GAR1: variants seen among roughly 807,000 people sequenced by gnomAD.
GAR1 encodes GAR1 ribonucleoprotein, also known as H/ACA ribonucleoprotein complex subunit 1.
In GAR1, 11 loss-of-function variants were observed where a neutral mutation model predicts 29.3. That is an observed-to-expected ratio of 0.38 (90% confidence interval 0.24 to 0.62). The LOEUF (loss-of-function observed/expected upper bound fraction) is 0.62, where lower values mean the gene tolerates loss of function less well. GAR1 is among the 20% of genes least tolerant of loss of function. The pLI is 0.62. For synonymous variants in GAR1, 87 were observed against 93.3 expected (o/e 0.93, Z 0.39); for missense variants, 237 against 268.4 (o/e 0.88, Z 0.82).
At chr4:109,822,883 A>G (rs1328426005) in intron 5 of GAR1, among the ~76,000 whole-genome samples, 2 of 152,182 alleles carry the variant, frequency 1.3e-5, no homozygotes, top group Admixed American at 1.3e-4. Context: ...GAGATAGATG[A>G]TATCCTTATT....
chr4:109,822,224 T>TA, intron 4 of GAR1, 123 bp from the exon 5 acceptor site: 1 of 583,916 alleles, frequency 1.7e-6, no homozygotes, highest in South Asian at 2.2e-5. Context: ...CAGGGATATG[T>TA]AGTAGAAAGT....
intron 4 of GAR1, among the ~76,000 whole-genome samples, chr4:109,820,911 C>T (rs1733496558): frequency 6.6e-6 from 1 of 151,374 alleles, no homozygotes; most frequent in Non-Finnish European, 1.5e-5. Context: ...ATCTTGTGAC[C>T]TGAAAAAAAA....
At chr4:109,817,371 A>G (rs1373938962) in intron 2 of GAR1, among the ~76,000 whole-genome samples, 1 of 152,206 alleles carries the variant, frequency 6.6e-6, no homozygotes, top group Non-Finnish European at 1.5e-5. Context: ...CAGTCTAGTT[A>G]GAAATAAAGG....
At chr4:109,816,479 A>AATGTAGC (rs1733356599) in intron 2 of GAR1, 101 bp downstream of exon 2, 4 of 1,115,204 alleles carry the variant, frequency 3.6e-6, no homozygotes, top group African/African-American at 1.5e-5. Context: ...CTGTGTGGAG[A>AATGTAGC]ATGTAGCATG....
Position 109,822,372 on chromosome 4 carries a change from T to G in GAR1, c.455T>G (p.Leu152Arg), listed in dbSNP as rs1160296139. The change falls in exon 5 of 7, where the codon CTG (leucine) becomes CGG (arginine). Residue 152 changes from leucine (L) to arginine (R), a missense_variant. Coordinates refer to ENST00000226796, the MANE Select transcript of GAR1 (RefSeq NM_018983.4). ...QKFYIDPYKLLPLQRFLPRPP... is the reference protein window; with the variant it reads ...QKFYIDPYKLRPLQRFLPRPP... Reference sequence around the variant, plus strand: ...TTTTATATAGACCCATATAAGCTGCTGCCACTGCAGAGGTTTTTACCTCGA... The same window carrying G: ...TTTTATATAGACCCATATAAGCTGCGGCCACTGCAGAGGTTTTTACCTCGA... 1 of 1,600,458 alleles carries G rather than the reference T, an allele frequency of 6.2e-7. No homozygotes were observed. The highest frequency in any genetic ancestry group is 1.3e-5 in the African/African-American group (1 of 74,678).
intron 3 of GAR1, 135 bp from the exon 4 acceptor site, chr4:109,818,866 C>A: frequency 1.8e-6 from 1 of 567,110 alleles, no homozygotes; most frequent in Non-Finnish European, 3.2e-6. Context: ...CGCCCAGCCC[C>A]TGGAAATTCA....
At position 109,819,191 on chromosome 4, in the gene GAR1, A is replaced by G. The variant is rs755255412; in HGVS notation, c.429+131A>G. ...TAAAGCTCTTAAATTGAAATGTTCC[A>G]TGCTATAAATATTGAACACACTAAT... On this transcript the variant is annotated intron_variant, in intron 4 of 6. Transcript: ENST00000226796. 22 of 725,584 alleles carry G rather than the reference A, an allele frequency of 3.0e-5. No homozygotes were observed. The Middle Eastern group carries it at 9.3e-4, about 31-fold the overall frequency. 44.9% of individuals were successfully genotyped at this position (725,584 alleles called of 1,614,324 possible).
chr4:109,822,235 G>GGTAGGA (rs1490876885), intron 4 of GAR1, 112 bp from the exon 5 acceptor site: 1 of 611,050 alleles, frequency 1.6e-6, no homozygotes, highest in African/African-American at 2.0e-5. Context: ...AGTAGAAAGT[G>GGTAGGA]GTAGGATTGG....
At chr4:109,824,144 C>G (rs1280759889) in intron 6 of GAR1, 111 bp downstream of exon 6, 12 of 745,068 alleles carry the variant, frequency 1.6e-5, no homozygotes, top group South Asian at 1.8e-5. Flanking sequence ...ATATAGAACA[C>G]CATGGTGTTC....
intron 2 of GAR1, 68 bp downstream of exon 2, chr4:109,816,446 C>A: frequency 6.8e-7 from 1 of 1,473,378 alleles, no homozygotes; most frequent in Non-Finnish European, 9.4e-7. Context: ...TGTTGTTAGG[C>A]AGCAAGTTTG....
intron 1 of GAR1, 88 bp downstream of exon 1, chr4:109,815,892 G>T (rs1347788998): frequency 6.2e-6 from 3 of 486,566 alleles, no homozygotes; most frequent in Non-Finnish European, 1.1e-5. Context: ...GGGATGCGGT[G>T]CGAAGACCTT....
intron 5 of GAR1, 115 bp downstream of exon 5, chr4:109,822,603 A>G: frequency 9.3e-7 from 1 of 1,071,786 alleles, no homozygotes; most frequent in South Asian, 2.3e-5. Flanking sequence ...TTTTTATTAA[A>G]GCTGCTTTCC....
At chr4:109,822,857 C>T (rs1004228008) in intron 5 of GAR1, among the ~76,000 whole-genome samples, 18 of 152,092 alleles carry the variant, frequency 1.2e-4, no homozygotes, top group African/African-American at 4.1e-4. Flanking sequence ...ATTTTTAATA[C>T]TCAGCGAAAC....
At chr4:109,817,470 G>GAAAA (rs372114372) in intron 2 of GAR1, among the ~76,000 whole-genome samples, 3 of 140,316 alleles carry the variant, frequency 2.1e-5, no homozygotes, top group African/African-American at 7.8e-5. Context: ...TAAGGCAAGA[G>GAAAA]AAAAAAAAAA....
upstream of GAR1, chr4:109,815,694 T>G (rs903062143): frequency 6.0e-6 from 1 of 167,018 alleles, no homozygotes; most frequent in Non-Finnish European, 1.3e-5. Context: ...AAGTTTCTGG[T>G]CTTTAAAAAA....
chr4:109,820,220 A>G (rs762175780), intron 4 of GAR1, among the ~76,000 whole-genome samples: 13 of 152,194 alleles, frequency 8.5e-5, no homozygotes, highest in Admixed American at 1.3e-4. Context: ...TTGACTAGCT[A>G]TTGAAATTGA....
At position 109,816,334 on chromosome 4, in the gene GAR1, G is replaced by T. The variant is rs1398171305; in HGVS notation, c.170G>T (p.Gly57Val). The change falls in exon 2 of 7, where the codon GGC (glycine) becomes GTC (valine). Residue 57 changes from glycine to valine, a missense_variant. Transcript: ENST00000226796. ...GGFGRGGGRGGFNKGQDQGPP... is the reference protein window; with the variant it reads ...GGFGRGGGRGVFNKGQDQGPP... ...TTTGGACGAGGGGGTGGCCGCGGAGGCTTTAACAAAGGCCAAGACCAAGGA... is the reference window on the plus strand; with the variant it reads ...TTTGGACGAGGGGGTGGCCGCGGAGTCTTTAACAAAGGCCAAGACCAAGGA... 1.9e-6 allele frequency: 3 copies of T among 1,613,850 alleles called. No homozygotes were observed. Among genetic ancestry groups the T allele is most frequent in the Non-Finnish European group, 2.5e-6 (3 of 1,179,988 alleles).
At chr4:109,820,995 G>T (rs899118276) in intron 4 of GAR1, among the ~76,000 whole-genome samples, 5 of 151,938 alleles carry the variant, frequency 3.3e-5, no homozygotes, top group African/African-American at 1.2e-4. Context: ...TTTATTTGGG[G>T]GCTTATTGTT....
intron 6 of GAR1, 71 bp downstream of exon 6, chr4:109,824,104 A>T: frequency 1.9e-6 from 2 of 1,047,462 alleles, no homozygotes; most frequent in South Asian, 1.4e-5. Context: ...TTCTGTTTTT[A>T]CTTAAGTTTA....
Sources: allele counts gnomAD v4.1 joint callset (sites outside exome capture counted in the v4.1 genomes callset), GRCh38; gene constraint gnomAD v4.1.1; transcripts MANE v1.5; gene names NCBI Gene and HGNC (gene_info 2026-07-23, HGNC 2026-07-21).